The following CNTNAP5 variants were observed in gnomAD, a reference collection of about 807,000 sequenced individuals.
CNTNAP5 encodes the protein contactin associated protein family member 5.
A neutral mutation model predicts 150.2 loss-of-function variants in CNTNAP5; 72 were observed. The observed-to-expected ratio is 0.48, with a 90% CI of 0.40 to 0.58. The LOEUF (loss-of-function observed/expected upper bound fraction) is 0.58. CNTNAP5 is among the 20% of genes least tolerant of loss of function. The pLI is 0.00. For synonymous variants in CNTNAP5, 672 were observed against 619.8 expected (o/e 1.08, Z -1.25); for missense variants, 1,636 against 1,626.2 (o/e 1.01, Z -0.10).
chr2:124,173,344 C>A (rs1684981881), intron 1 of CNTNAP5, among the ~76,000 whole-genome samples: 1 of 152,198 alleles, frequency 6.6e-6, no homozygotes, highest in Non-Finnish European at 1.5e-5. Flanking sequence ...AATGTTCAAG[C>A]TTAGCAAGGG....
chr2:124,173,304 G>A lies in CNTNAP5; in HGVS notation c.83-48401G>A, dbSNP rs548848377. ...CAGTACTCAAGTGAAAGGAAGATTT[G>A]CACCTCTCTCACTTTAAGTCAAAGC... On this transcript the variant is annotated intron_variant, in intron 1 of 23. Transcript: ENST00000682447. 2.6e-5 allele frequency among the ~76,000 whole-genome samples: 4 copies of A among 152,256 alleles called. No homozygotes were observed. In the South Asian group the frequency reaches 8.3e-4, roughly 32 times the overall value.
chr2:124,529,991 G>A (rs1231368414), intron 10 of CNTNAP5, among the ~76,000 whole-genome samples: 2 of 152,120 alleles, frequency 1.3e-5, no homozygotes, highest in Non-Finnish European at 2.9e-5. Context: ...TGCTAGTCAC[G>A]TGGGAAAATC....
chr2:124,836,487 G>A (rs944804160), intron 19 of CNTNAP5, among the ~76,000 whole-genome samples: 2 of 152,048 alleles, frequency 1.3e-5, no homozygotes, highest in Non-Finnish European at 2.9e-5. Context: ...TGGTGATTTG[G>A]TTTTCTGTTT....
intron 13 of CNTNAP5, among the ~76,000 whole-genome samples, chr2:124,704,345 T>C (rs1679588824): frequency 6.6e-6 from 1 of 152,136 alleles, no homozygotes; most frequent in Admixed American, 6.5e-5. Flanking sequence ...GAAGTGTTCT[T>C]TTTTTTCTTT....
intron 13 of CNTNAP5, among the ~76,000 whole-genome samples, chr2:124,674,810 T>C (rs1026095972): frequency 6.6e-6 from 1 of 152,010 alleles, no homozygotes; most frequent in African/African-American, 2.4e-5. Context: ...AAATTGTTGA[T>C]TTTTAATTTA....
At chr2:124,881,902 A>G (rs2104738538) in intron 21 of CNTNAP5, among the ~76,000 whole-genome samples, 1 of 152,088 alleles carries the variant, frequency 6.6e-6, no homozygotes, top group East Asian at 1.9e-4. Flanking sequence ...TTAGTAATGC[A>G]TCACAGGTGG....
At chr2:124,689,904 T>C (rs1679266569) in intron 13 of CNTNAP5, among the ~76,000 whole-genome samples, 1 of 152,104 alleles carries the variant, frequency 6.6e-6, no homozygotes, top group Non-Finnish European at 1.5e-5. Flanking sequence ...CTTTATACTT[T>C]TGTAGAACAA....
chr2:124,199,549 G>A (rs1685669855), intron 1 of CNTNAP5, among the ~76,000 whole-genome samples: 1 of 151,468 alleles, frequency 6.6e-6, no homozygotes, highest in Non-Finnish European at 1.5e-5. Context: ...CCGAGTAGCT[G>A]GGATTACAGG....
intron 12 of CNTNAP5, among the ~76,000 whole-genome samples, chr2:124,621,667 G>T (rs936929449): frequency 3.3e-5 from 5 of 152,308 alleles, no homozygotes; most frequent in Non-Finnish European, 7.4e-5. Context: ...GGCCTAAATT[G>T]GTAGCCTTGC....
At chr2:124,747,202 T>C in intron 13 of CNTNAP5, 27 bp from the exon 14 acceptor site, 1 of 1,607,110 alleles carries the variant, frequency 6.2e-7, no homozygotes, top group Non-Finnish European at 8.5e-7. Flanking sequence ...TGCCCTACCC[T>C]GACTGGTGGA....
At chr2:124,490,989 A>C (rs1271185853) in intron 7 of CNTNAP5, among the ~76,000 whole-genome samples, 1 of 152,100 alleles carries the variant, frequency 6.6e-6, no homozygotes, top group Non-Finnish European at 1.5e-5. Context: ...TCAGTAGCAG[A>C]TTTCCTTTTA....
chr2:124,517,440 G>A (rs1027084226), intron 8 of CNTNAP5, among the ~76,000 whole-genome samples: 68 of 151,556 alleles, frequency 4.5e-4, no homozygotes, highest in African/African-American at 1.6e-3. Flanking sequence ...GGAGCTTGTG[G>A]TGTTGGTAAT....
intron 19 of CNTNAP5, among the ~76,000 whole-genome samples, chr2:124,804,419 A>T (rs764402739): frequency 2.0e-5 from 3 of 152,024 alleles, no homozygotes; most frequent in Non-Finnish European, 4.4e-5. Flanking sequence ...TTATTTTCTG[A>T]TATGCTCCTA....
At chr2:124,829,286 A>G (rs1185687424) in intron 19 of CNTNAP5, among the ~76,000 whole-genome samples, 1 of 152,122 alleles carries the variant, frequency 6.6e-6, no homozygotes. Context: ...CCCCCCTTTG[A>G]TCATAAATCA....
chr2:124,239,467 T>G (rs1308519881), intron 2 of CNTNAP5, among the ~76,000 whole-genome samples: 2 of 152,150 alleles, frequency 1.3e-5, no homozygotes, highest in African/African-American at 2.4e-5. Context: ...TCCTATATTA[T>G]AGCATCAGCT....
chr2:124,086,421 T>C (rs1682693765), intron 1 of CNTNAP5, among the ~76,000 whole-genome samples: 1 of 151,458 alleles, frequency 6.6e-6, no homozygotes, highest in Admixed American at 6.6e-5. Context: ...GCCAGGATGG[T>C]CTCGATCTCC....
At chr2:124,515,536 A>G (rs935793389) in intron 8 of CNTNAP5, among the ~76,000 whole-genome samples, 3 of 112,390 alleles carry the variant, frequency 2.7e-5, no homozygotes, top group Admixed American at 8.5e-5. Flanking sequence ...TATTCAATCA[A>G]TCAATCATTC....
intron 6 of CNTNAP5, among the ~76,000 whole-genome samples, chr2:124,457,895 T>C (rs1693157826): frequency 6.6e-6 from 1 of 151,728 alleles, no homozygotes; most frequent in Non-Finnish European, 1.5e-5. Flanking sequence ...ATGGCCATAA[T>C]CAAAAAATCA....
intron 6 of CNTNAP5, among the ~76,000 whole-genome samples, chr2:124,459,154 A>T (rs1693189701): frequency 6.6e-6 from 1 of 152,218 alleles, no homozygotes; most frequent in South Asian, 2.1e-4. Flanking sequence ...ATTTGATTAA[A>T]AATTGCGGTC....
Sources: gnomAD v4.1 joint callset for allele counts (sites outside exome capture counted in the v4.1 genomes callset) on GRCh38, gnomAD v4.1.1 for gene constraint, MANE v1.5 for transcripts, NCBI Gene and HGNC (gene_info 2026-07-23, HGNC 2026-07-21) for gene names.